TMEM272: variants seen among roughly 807,000 people sequenced by gnomAD.
TMEM272 encodes the protein transmembrane protein 272, also known as long intergenic non-protein coding RNA 282.
In TMEM272, 8 loss-of-function variants were observed where a neutral mutation model predicts 3.7. The ratio of observed to expected loss-of-function variants is 2.17; its 90% CI spans 1.27 to 3.91. TMEM272 has a LOEUF of 3.91. TMEM272 is among the 30% of genes most tolerant of loss of function. The pLI is 0.00. For missense variants in TMEM272, 166 were observed against 91.5 expected (o/e 1.81, Z -3.32); for synonymous variants, 63 against 39.8 (o/e 1.58, Z -2.20).
chr13:51,904,102 T>G, the TMEM272 span, among the ~76,000 whole-genome samples: 1 of 152,050 alleles, frequency 6.6e-6, no homozygotes, highest in Non-Finnish European at 1.5e-5. Flanking sequence ...AGGCATGAGG[T>G]GGTTTTCTGC....
intron 3 of TMEM272, among the ~76,000 whole-genome samples, chr13:51,823,528 C>G (rs529634294): frequency 6.6e-6 from 1 of 152,368 alleles, no homozygotes; most frequent in East Asian, 1.9e-4. Flanking sequence ...TCCCCATGCC[C>G]CCTGAGCCAT....
rs183667169 is a variant in TMEM272, at chr13:51,838,385, A to G, written c.58+88T>C. 3.2e-3 allele frequency: 2,245 copies of G among 702,230 alleles called. 12 individuals are homozygous for G. Among genetic ancestry groups the G allele is most frequent in the Admixed American group, 5.7e-3 (283 of 49,998 alleles). The allele number at this position is 702,230 out of a possible 1,614,324, so 43.5% of individuals were successfully genotyped here. A position where few individuals can be genotyped will look rare whatever the true frequency, so the allele number is the denominator to read the frequency against. On this transcript the variant is annotated intron_variant, in intron 2 of 4. Transcript: ENST00000629372. ...ACCCCATACCAAGCACAGCCCACTC[A>G]TATGATCCACTCCAGCTTTAGCTCA...
rs1187704773 is a variant in TMEM272 at position 51,814,583 on chromosome 13, C to CTCT, written c.*2165_*2167dup. The CTCT allele has an allele frequency of 6.6e-6, 1 of 152,234 alleles. No homozygotes were observed. Among genetic ancestry groups the CTCT allele is most frequent in the African/African-American group, 2.4e-5 (1 of 41,458 alleles). 9.4% of individuals were successfully genotyped at this position (152,234 alleles called of 1,614,324 possible). ...ATGACCTATACAAAGAGATCATCAC[C>CTCT]TCTTCCTTACTGCTTTGGTGACAAG... is the stretch of plus-strand genomic sequence containing the variant. On this transcript the variant is annotated 3_prime_UTR_variant, in exon 5 of 5. Coordinates refer to ENST00000629372, the MANE Select transcript of TMEM272 (RefSeq NM_001351003.2).
chr13:51,816,430 A>G lies in TMEM272; in HGVS notation c.*321T>C. ...ATTGAAATTGCACTATGATTTGAAA[A>G]GGTCTCCCATTCTTTGCCTCCCACA... On this transcript the variant is annotated 3_prime_UTR_variant, in exon 5 of 5. Coordinates refer to ENST00000629372, the MANE Select transcript of TMEM272 (RefSeq NM_001351003.2). 4.3e-6 allele frequency: 1 copy of G among 232,336 alleles called. No homozygotes were observed. The highest frequency in any genetic ancestry group is 8.6e-6 in the Non-Finnish European group (1 of 116,752). The allele number at this position is 232,336 out of a possible 1,614,324, so 14.4% of individuals were successfully genotyped here.
the TMEM272 span, among the ~76,000 whole-genome samples, chr13:51,875,130 T>C: frequency 8.1e-4 from 124 of 152,354 alleles, 1 homozygote; most frequent in Middle Eastern, 6.8e-3. Flanking sequence ...GAGAGCTTAC[T>C]CTGCTTTAAG....
the TMEM272 span, among the ~76,000 whole-genome samples, chr13:51,892,287 T>C: frequency 3.3e-5 from 5 of 152,318 alleles, no homozygotes; most frequent in East Asian, 9.6e-4. Context: ...TATCGAAGCC[T>C]GGAAGTGGGA....
intron 4 of TMEM272, among the ~76,000 whole-genome samples, chr13:51,821,324 A>G (rs1956076703): frequency 6.6e-6 from 1 of 152,204 alleles, no homozygotes; most frequent in Non-Finnish European, 1.5e-5. Flanking sequence ...GGCTGACCTA[A>G]GCTTCTCTTG....
chr13:51,891,717 G>A, the TMEM272 span, among the ~76,000 whole-genome samples: 1 of 152,116 alleles, frequency 6.6e-6, no homozygotes, highest in Non-Finnish European at 1.5e-5. Flanking sequence ...ACTGTTCTAG[G>A]GAAATGGAAG....
the TMEM272 span, among the ~76,000 whole-genome samples, chr13:51,905,959 T>C: frequency 6.6e-6 from 1 of 152,254 alleles, no homozygotes; most frequent in South Asian, 2.1e-4. Flanking sequence ...AACAAATGAC[T>C]CACCAGGATG....
chr13:51,843,667 C>A (rs888311190), intron 1 of TMEM272, among the ~76,000 whole-genome samples: 1 of 152,142 alleles, frequency 6.6e-6, no homozygotes, highest in Non-Finnish European at 1.5e-5. Context: ...GGGTAACAGG[C>A]CGGGCAGTGC....
the TMEM272 span, among the ~76,000 whole-genome samples, chr13:51,863,708 C>CACAA: frequency 7.1e-6 from 1 of 141,022 alleles, no homozygotes; most frequent in East Asian, 2.0e-4. Flanking sequence ...CACACACACA[C>CACAA]ACCAGCTATG....
At chr13:51,869,997 C>G in the TMEM272 span, among the ~76,000 whole-genome samples, 60 of 152,174 alleles carry the variant, frequency 3.9e-4, no homozygotes, top group Admixed American at 1.2e-3. Context: ...TGATCCTATT[C>G]AAGAGGTCTA....
upstream of TMEM272, among the ~76,000 whole-genome samples, chr13:51,847,830 G>C (rs1956313984): frequency 6.6e-6 from 1 of 152,122 alleles, no homozygotes; most frequent in Admixed American, 6.5e-5. Context: ...AAAATTTCAG[G>C]TGATGAGGCA....
At chr13:51,920,418 C>T in the TMEM272 span, among the ~76,000 whole-genome samples, 1 of 152,314 alleles carries the variant, frequency 6.6e-6, no homozygotes, top group East Asian at 1.9e-4. Flanking sequence ...GGCCTCTTCA[C>T]TCCCCTACAA....
chr13:51,845,225 G>T (rs1469482508), upstream of TMEM272: 1 of 152,272 alleles, frequency 6.6e-6, no homozygotes, highest in African/African-American at 2.4e-5. Flanking sequence ...ACTCCCACGT[G>T]TGGGGAGAGC....
At chr13:51,933,523 A>C in the TMEM272 span, 1 of 152,212 alleles carries the variant, frequency 6.6e-6, no homozygotes, top group Non-Finnish European at 1.5e-5. Flanking sequence ...GTCAATCACA[A>C]CCAACTTCAG....
chr13:51,908,356 A>C, the TMEM272 span: 22 of 1,489,480 alleles, frequency 1.5e-5, no homozygotes, highest in African/African-American at 2.9e-4. Context: ...TAAGGAGGAA[A>C]ACCCCTCGGT....
At chr13:51,854,901 C>T in the TMEM272 span, among the ~76,000 whole-genome samples, 1 of 151,858 alleles carries the variant, frequency 6.6e-6, no homozygotes, top group African/African-American at 2.4e-5. Flanking sequence ...GGTTATAATC[C>T]CCATATGAGT....
chr13:51,865,486 T>G, the TMEM272 span: 1 of 1,614,186 alleles, frequency 6.2e-7, no homozygotes, highest in East Asian at 2.2e-5. Flanking sequence ...CTCCCAGTAT[T>G]CGCCAGAAGA....
Sources: gnomAD v4.1 joint callset for allele counts (sites outside exome capture counted in the v4.1 genomes callset) on GRCh38, gnomAD v4.1.1 for gene constraint, MANE v1.5 for transcripts, NCBI Gene and HGNC (gene_info 2026-07-23, HGNC 2026-07-21) for gene names.